SPRR2G: variants seen among roughly 807,000 people sequenced by gnomAD.
SPRR2G encodes the protein small proline-rich protein 2G.
SPRR2G carries 1 observed loss-of-function variant against 0.7 expected under a neutral mutation model. That is an observed-to-expected ratio of 1.49 (90% confidence interval 0.53 to 7.06). The LOEUF is 7.06. Ranked by LOEUF, SPRR2G falls within the 30% of genes most tolerant of loss-of-function variation. The pLI, the probability that SPRR2G is intolerant of heterozygous loss-of-function variation, is 0.14. For missense variants in SPRR2G, 96 were observed against 88.5 expected (o/e 1.09, Z -0.34); for synonymous variants, 38 against 33.9 (o/e 1.12, Z -0.42).
the SPRR2G span, among the ~76,000 whole-genome samples, chr1:153,195,510 A>T: frequency 6.6e-6 from 1 of 152,184 alleles, no homozygotes; most frequent in East Asian, 1.9e-4. Flanking sequence ...TGGCTCAAGA[A>T]GGCATCTCAA....
upstream of SPRR2G, among the ~76,000 whole-genome samples, chr1:153,155,128 G>A (rs572766379): frequency 6.6e-6 from 1 of 152,180 alleles, no homozygotes; most frequent in South Asian, 2.1e-4. Context: ...GCATTCTCTA[G>A]TTACAATATC....
chr1:153,189,087 G>T, the SPRR2G span, among the ~76,000 whole-genome samples: 1 of 152,180 alleles, frequency 6.6e-6, no homozygotes, highest in Non-Finnish European at 1.5e-5. Context: ...GACCAGAGCT[G>T]TTCCTATTCA....
the SPRR2G span, chr1:153,191,183 T>C: frequency 6.6e-6 from 1 of 152,288 alleles, no homozygotes; most frequent in Admixed American, 6.5e-5. Context: ...CCATTTCTGA[T>C]TAGGGACTCG....
chr1:153,155,051 T>G (rs1333858491), upstream of SPRR2G, among the ~76,000 whole-genome samples: 1 of 152,214 alleles, frequency 6.6e-6, no homozygotes, highest in African/African-American at 2.4e-5. Context: ...CTCCTTGATC[T>G]GAACCTCTTC....
At chr1:153,197,183 T>TGTGTGTGTGTGTGTG in the SPRR2G span, among the ~76,000 whole-genome samples, 6 of 145,466 alleles carry the variant, frequency 4.1e-5, no homozygotes, top group African/African-American at 1.6e-4. Flanking sequence ...TGTGTGTATG[T>TGTGTGTGTGTGTGTG]TGGAGGATGA....
chr1:153,182,312 C>T, the SPRR2G span, among the ~76,000 whole-genome samples: 1,335 of 150,496 alleles, frequency 8.9e-3, 15 homozygotes, highest in African/African-American at 0.03. Flanking sequence ...AAATATAATA[C>T]TTATATTTTA....
the SPRR2G span, among the ~76,000 whole-genome samples, chr1:153,200,141 C>A: frequency 2.0e-5 from 3 of 152,138 alleles, no homozygotes; most frequent in African/African-American, 4.8e-5. Context: ...AAGTTACTAT[C>A]TTTTATCAAT....
At chr1:153,161,468 T>C in the SPRR2G span, among the ~76,000 whole-genome samples, 234 of 45,046 alleles carry the variant, frequency 5.2e-3, 40 homozygotes, top group African/African-American at 0.011. Flanking sequence ...ATATTTTGGA[T>C]ATCAACCCCC....
the SPRR2G span, chr1:153,176,572 G>A: frequency 6.6e-6 from 1 of 152,158 alleles, no homozygotes; most frequent in African/African-American, 2.4e-5. Context: ...TTTGGCAGCT[G>A]TACAGGTACC....
chr1:153,202,095 G>GAA, the SPRR2G span, among the ~76,000 whole-genome samples: 2 of 152,194 alleles, frequency 1.3e-5, no homozygotes, highest in Non-Finnish European at 2.9e-5. Flanking sequence ...CTGAAATGCT[G>GAA]AAACTCTCTC....
At chr1:153,157,632 T>A in the SPRR2G span, among the ~76,000 whole-genome samples, 1 of 152,228 alleles carries the variant, frequency 6.6e-6, no homozygotes, top group African/African-American at 2.4e-5. Context: ...TGGGTTTTTT[T>A]TTGTTGTGTT....
chr1:153,175,351 G>T, the SPRR2G span, among the ~76,000 whole-genome samples: 6,713 of 152,160 alleles, frequency 0.044, 416 homozygotes, highest in Admixed American at 0.15. Flanking sequence ...ATAGTTGAAC[G>T]CCTTAACATT....
the SPRR2G span, among the ~76,000 whole-genome samples, chr1:153,158,790 G>T: frequency 6.6e-6 from 1 of 152,198 alleles, no homozygotes; most frequent in Non-Finnish European, 1.5e-5. Context: ...CTAGGCAGAG[G>T]TTCCCAAAGC....
At chr1:153,201,001 T>C in the SPRR2G span, among the ~76,000 whole-genome samples, 1 of 152,132 alleles carries the variant, frequency 6.6e-6, no homozygotes, top group African/African-American at 2.4e-5. Context: ...CCACCGCGCC[T>C]AGCAAAAGCA....
chr1:153,178,108 C>T, the SPRR2G span, among the ~76,000 whole-genome samples: 1 of 151,994 alleles, frequency 6.6e-6, no homozygotes, highest in African/African-American at 2.4e-5. Flanking sequence ...AAAGTTATTT[C>T]TAAATTTTAT....
intron 1 of SPRR2G, 46 bp from the exon 2 acceptor site, chr1:153,150,177 T>C: frequency 6.2e-7 from 1 of 1,601,550 alleles, no homozygotes; most frequent in Non-Finnish European, 8.5e-7. Flanking sequence ...GACAGTCCTG[T>C]TGGTGGAGCA....
chr1:153,192,130 A>G, the SPRR2G span, among the ~76,000 whole-genome samples: 3 of 152,192 alleles, frequency 2.0e-5, no homozygotes, highest in Admixed American at 6.5e-5. Context: ...GAGGGCTTCT[A>G]TTAGGCACAG....
the SPRR2G span, among the ~76,000 whole-genome samples, chr1:153,158,533 T>C: frequency 6.6e-6 from 1 of 152,220 alleles, no homozygotes; most frequent in Non-Finnish European, 1.5e-5. Flanking sequence ...TGAGCTGGCA[T>C]TGAGTGCCTG....
chr1:153,159,392 G>C, the SPRR2G span, among the ~76,000 whole-genome samples: 1 of 152,186 alleles, frequency 6.6e-6, no homozygotes, highest in Non-Finnish European at 1.5e-5. Context: ...GAACAACTCA[G>C]CCTGGACTTC....
Sources: gnomAD v4.1 joint callset for allele counts (sites outside exome capture counted in the v4.1 genomes callset) on GRCh38, gnomAD v4.1.1 for gene constraint, MANE v1.5 for transcripts, NCBI Gene and HGNC (gene_info 2026-07-23, HGNC 2026-07-21) for gene names.